Variants in CDK5 observed in about 807,000 individuals in gnomAD.
CDK5 encodes the protein cyclin-dependent kinase 5.
A neutral mutation model predicts 44.6 loss-of-function variants in CDK5; 18 were observed. That is an observed-to-expected ratio of 0.40 (90% CI 0.28 to 0.60). The LOEUF is 0.60. Ranked by LOEUF, CDK5 falls within the 20% of genes least tolerant of loss-of-function variation. CDK5 has a pLI of 0.38. For missense variants in CDK5, 198 were observed against 368.1 expected, an observed-to-expected ratio of 0.54 and a Z score of 3.78; for synonymous variants, 143 against 152.8, an observed-to-expected ratio of 0.94 and a Z score of 0.47.
rs2069450 is a variant in CDK5 at position 151,056,682 on chromosome 7, A to G, written c.256-46T>C. On this transcript the variant is annotated intron_variant, in intron 4 of 11. Coordinates refer to ENST00000485972, the MANE Select transcript of CDK5 (RefSeq NM_004935.4). This position sits in a 1 kb window ranked among gnomAD's most constrained non-coding sequence, Gnocchi z 4.7. ...GGGAATGGGACAGAGTTTAACCTCA[A>G]TCTGGGCCCCTATACCTTCCCAAGG... 0.052 allele frequency: 83,421 copies of G among 1,611,238 alleles called. 2,649 individuals carry two copies. Among genetic ancestry groups the G allele is most frequent in the African/African-American group, 0.14 (10,839 of 74,938 alleles).
chr7:151,056,388 C>A lies in CDK5; in HGVS notation c.312+192G>T. On this transcript the variant is annotated intron_variant, in intron 5 of 11. Transcript: ENST00000485972. The surrounding 1 kb of genome is among the most constrained non-coding windows in gnomAD (Gnocchi z 4.7). ...TCACTGACATCAGAATGACACTGTG[C>A]GGGTCAAAGATGACCACGTGAAAAT... 3 of 610,186 alleles carry A rather than the reference C, an allele frequency of 4.9e-6. No individual in the cohort carries two copies. The highest frequency in any genetic ancestry group is 8.8e-6 in the Non-Finnish European group (3 of 342,484). 37.8% of individuals were successfully genotyped at this position (610,186 alleles called of 1,614,324 possible).
chr7:151,055,930 C>A (rs1796884943), intron 5 of CDK5, 82 bp from the exon 6 acceptor site: 1 of 865,754 alleles, frequency 1.2e-6, no homozygotes, highest in South Asian at 1.5e-5. Flanking sequence ...TCTCCTCACC[C>A]TGTGCTTCGC....
rs899846034 is a variant in CDK5, at chr7:151,057,027, G to A, written c.126+45C>T. On this transcript the variant is annotated intron_variant, in intron 2 of 11. Transcript: ENST00000485972. This position sits in a 1 kb window ranked among gnomAD's most constrained non-coding sequence, Gnocchi z 5.2. Reference sequence around the variant, plus strand: ...AGCAGTCAGATCCCACCCAGCCCAGGCCCTCAAACCCCTCCCCAGGCCGTA... The same window carrying A: ...AGCAGTCAGATCCCACCCAGCCCAGACCCTCAAACCCCTCCCCAGGCCGTA... The A allele has an allele frequency of 6.2e-7, 1 of 1,612,668 alleles. No individual in the cohort carries two copies. Among genetic ancestry groups the A allele is most frequent in the Non-Finnish European group, 8.5e-7 (1 of 1,178,808 alleles).
rs1280118247 is a variant in CDK5, at chr7:151,055,114, G to T, written c.581-18C>A. 1 of 1,606,588 alleles carries T rather than the reference G, an allele frequency of 6.2e-7. No individual in the cohort carries two copies. The highest frequency in any genetic ancestry group is 1.7e-5 in the Admixed American group (1 of 59,438). On this transcript the variant is annotated intron_variant, in intron 8 of 11. Coordinates refer to ENST00000485972, the MANE Select transcript of CDK5 (RefSeq NM_004935.4). ...GGCCAGCTCTGGGGGATAGACAGGG[G>T]GCTAAGATGTGACATGTGAAGGACC...
Position 151,057,089 on chromosome 7 carries a change from G to C in CDK5, c.109C>G (p.Leu37Val). 6 of 1,613,884 alleles carry C rather than the reference G, an allele frequency of 3.7e-6. No individual in the cohort carries two copies. Among genetic ancestry groups the C allele is most frequent in the Non-Finnish European group, 5.1e-6 (6 of 1,179,844 alleles). ...AGTCCTACCTCATCATCGTCATCCA[G>C]CCTCACCCGTTTCAGAGCCACGATC... ...HEIVALKRVR[L>V]DDDDEGVPSS... is the part of the protein sequence containing the mutation. Residue 37 changes from leucine to valine, a missense_variant, in exon 2 of 12, where the codon CTG (leucine) becomes GTG (valine). By Grantham distance (32) the Leu-to-Val change is conservative. Transcript: ENST00000485972. This position sits in a 1 kb window ranked among gnomAD's most constrained non-coding sequence, Gnocchi z 5.2.
Position 151,056,920 on chromosome 7 carries a change from T to C in CDK5, c.182A>G (p.Lys61Arg). 1 of 1,612,276 alleles carries C rather than the reference T, an allele frequency of 6.2e-7. No individual in the cohort carries two copies. Among genetic ancestry groups the C allele is most frequent in the South Asian group, 1.1e-5 (1 of 90,936 alleles). Reference protein sequence around the residue: ...EICLLKELKHKNIVRLHDVLH... With the variant: ...EICLLKELKHRNIVRLHDVLH... The stretch of plus-strand genomic sequence containing the variant: ...GCCTCCCGCACACCTGACGATGTTC[T>C]TGTGCTTCAGCTCCTTGAGTAGGCA... Residue 61 changes from lysine to arginine, a missense_variant, in exon 3 of 12, where the codon AAG becomes AGG. By Grantham distance (26) the Lys-to-Arg change is conservative. Transcript: ENST00000485972. This position sits in a 1 kb window ranked among gnomAD's most constrained non-coding sequence, Gnocchi z 4.7.
At position 151,054,258 on chromosome 7, in the gene CDK5, A is replaced by G; in HGVS notation, c.746T>C (p.Val249Ala). Residue 249 changes from valine to alanine, a missense_variant, in exon 11 of 12, where the codon GTG (valine) becomes GCG (alanine). Physicochemically the swap from Val to Ala is moderately conservative, Grantham distance 64. This residue lies in a region of CDK5 where 81 missense variants were observed against 102.1 expected (regional missense o/e 0.79). Coordinates refer to ENST00000485972, the MANE Select transcript of CDK5 (RefSeq NM_004935.4). The surrounding 1 kb of genome is among the most constrained non-coding windows in gnomAD (Gnocchi z 5.7). ...GGCATTGAGTTTGGGCACGACGTTC[A>G]CCAGGGATGTTGTGGCCGGGTACAT... ...YPMYPATTSL[V>A]NVVPKLNATG... is the part of the protein sequence containing the mutation. 6.2e-7 allele frequency: 1 copy of G among 1,613,748 alleles called. No individual in the cohort carries two copies. The highest frequency in any genetic ancestry group is 8.5e-7 in the Non-Finnish European group (1 of 1,179,766).
chr7:151,055,419 GGGA>G (rs745805861), intron 7 of CDK5, 46 bp from the exon 8 acceptor site: 4 of 1,573,234 alleles, frequency 2.5e-6, no homozygotes, highest in Non-Finnish European at 3.5e-6. Flanking sequence ...TAGAGGACTG[GGGA>G]GGAGGTTTGA....
At position 151,057,776 on chromosome 7, in the gene CDK5, A is replaced by G. The variant is rs1487973441; in HGVS notation, c.37+36T>C. Reference sequence around the variant, plus strand: ...TCAAGGAATGCCGAAGGATCTGCAGAGGAGCTCTTGCAGGAACATCTCGAG... The same window carrying G: ...TCAAGGAATGCCGAAGGATCTGCAGGGGAGCTCTTGCAGGAACATCTCGAG... On this transcript the variant is annotated intron_variant, in intron 1 of 11. Transcript: ENST00000485972. The surrounding 1 kb of genome is among the most constrained non-coding windows in gnomAD (Gnocchi z 5.2). 2.5e-6 allele frequency: 4 copies of G among 1,597,910 alleles called. No individual in the cohort carries two copies. Among genetic ancestry groups the G allele is most frequent in the Non-Finnish European group, 3.4e-6 (4 of 1,169,986 alleles).
At position 151,054,756 on chromosome 7, in the gene CDK5, A is replaced by C. The variant is rs1482609619; in HGVS notation, c.650+271T>G. On this transcript the variant is annotated intron_variant, in intron 9 of 11. Transcript: ENST00000485972. This position sits in a 1 kb window ranked among gnomAD's most constrained non-coding sequence, Gnocchi z 5.7. ...GTGTCCTGTTCTCTTTGGCTCCTTC[A>C]TCCTGGCATCCATCTCTCACCTGGA... Among the ~76,000 whole-genome samples, 1 of 152,090 alleles carries C rather than the reference A, an allele frequency of 6.6e-6. No homozygotes were observed. Among genetic ancestry groups the C allele is most frequent in the Non-Finnish European group, 1.5e-5 (1 of 68,002 alleles).
chr7:151,057,315 C>T lies in CDK5; in HGVS notation c.38-155G>A. ...GTGAGCTTTGTGAGTGAGGATGTGGCAGGTGGGGAGGGAGGAGAAGGTGCC... is the reference window on the plus strand; with the variant it reads ...GTGAGCTTTGTGAGTGAGGATGTGGTAGGTGGGGAGGGAGGAGAAGGTGCC... On this transcript the variant is annotated intron_variant, in intron 1 of 11. Coordinates refer to ENST00000485972, the MANE Select transcript of CDK5 (RefSeq NM_004935.4). This position sits in a 1 kb window ranked among gnomAD's most constrained non-coding sequence, Gnocchi z 5.2. 1 of 704,398 alleles carries T rather than the reference C, an allele frequency of 1.4e-6. No homozygotes were observed. The highest frequency in any genetic ancestry group is 1.6e-5 in the South Asian group (1 of 62,964). 43.6% of individuals were successfully genotyped at this position (704,398 alleles called of 1,614,324 possible).
Position 151,057,723 on chromosome 7 carries a change from C to T in CDK5, c.37+89G>A. 1.5e-5 allele frequency: 21 copies of T among 1,386,066 alleles called. No individual in the cohort carries two copies. The highest frequency in any genetic ancestry group is 2.1e-5 in the Non-Finnish European group (21 of 993,658). 85.9% of individuals were successfully genotyped at this position (1,386,066 alleles called of 1,614,324 possible). A position where few individuals can be genotyped will look rare whatever the true frequency, so the allele number is the denominator to read the frequency against. The stretch of plus-strand genomic sequence containing the variant: ...CGCTGCTGAGATCGGAGCCTGTAGG[C>T]ATTGCTGACGGTAAGGGAGCCAGGG... On this transcript the variant is annotated intron_variant, in intron 1 of 11. Coordinates refer to ENST00000485972, the MANE Select transcript of CDK5 (RefSeq NM_004935.4). The surrounding 1 kb of genome is among the most constrained non-coding windows in gnomAD (Gnocchi z 5.2).
intron 8 of CDK5, 50 bp downstream of exon 8, chr7:151,055,227 G>A (rs746649408): frequency 1.3e-6 from 2 of 1,581,368 alleles, no homozygotes; most frequent in Non-Finnish European, 1.7e-6. Flanking sequence ...GACCCTATTT[G>A]TCAACTCAAA....
Position 151,055,579 on chromosome 7 carries a change from CA to C in CDK5, c.435del (p.Phe145LeufsTer68). On this transcript the variant is annotated frameshift_variant, in exon 7 of 12. Coordinates refer to ENST00000485972, the MANE Select transcript of CDK5 (RefSeq NM_004935.4). LOFTEE classifies it high-confidence loss of function. ...GGAATCCCAAAGGCTCGAGCCAGGC[CA>C]AAATCAGCCAATTTCAGCTCCCCAT... is the stretch of plus-strand genomic sequence containing the variant. ...NRNGELKLAD[F>X]GLARAFGIPV... The C allele has an allele frequency of 6.2e-7, 1 of 1,613,780 alleles. No homozygotes were observed. Among genetic ancestry groups the C allele is most frequent in the Non-Finnish European group, 8.5e-7 (1 of 1,179,866 alleles).
In CDK5 at chr7:151,054,484, A is replaced by G. The variant is rs923760772; in HGVS notation, c.651-19T>C. 2 of 1,606,162 alleles carry G rather than the reference A, an allele frequency of 1.2e-6. No homozygotes were observed. The highest frequency in any genetic ancestry group is 1.3e-5 in the African/African-American group (1 of 74,860). On this transcript the variant is annotated intron_variant, in intron 9 of 11. Coordinates refer to ENST00000485972, the MANE Select transcript of CDK5 (RefSeq NM_004935.4). This position sits in a 1 kb window ranked among gnomAD's most constrained non-coding sequence, Gnocchi z 5.7. Reference sequence around the variant, plus strand: ...CAGCAGTGTGTCCACGGAGTCAAGGATCACTTGGGAAAGGGCCACAGCTGC... The same window carrying G: ...CAGCAGTGTGTCCACGGAGTCAAGGGTCACTTGGGAAAGGGCCACAGCTGC...
chr7:151,056,467 T>A lies in CDK5; in HGVS notation c.312+113A>T, dbSNP rs2150361813. On this transcript the variant is annotated intron_variant, in intron 5 of 11. Transcript: ENST00000485972. The surrounding 1 kb of genome is among the most constrained non-coding windows in gnomAD (Gnocchi z 4.7). ...ACAGAAACAGGGTTTTCTCATTCTC[T>A]AACACCCTAGAGTGTCCCTGTTCAG... 1.1e-6 allele frequency: 1 copy of A among 905,672 alleles called. No homozygotes were observed. The highest frequency in any genetic ancestry group is 1.8e-6 in the Non-Finnish European group (1 of 563,174). 56.1% of individuals were successfully genotyped at this position (905,672 alleles called of 1,614,324 possible). A position where few individuals can be genotyped will look rare whatever the true frequency, so the allele number is the denominator to read the frequency against.
Position 151,054,521 on chromosome 7 carries a change from C to T in CDK5, c.651-56G>A. On this transcript the variant is annotated intron_variant, in intron 9 of 11. Transcript: ENST00000485972. The surrounding 1 kb of genome is among the most constrained non-coding windows in gnomAD (Gnocchi z 5.7). Reference sequence around the variant, plus strand: ...AGGGCCACAGCTGCATCTTCAGGGGCAGGGTGAGGGCCTCTTCCCCTCCTG... The same window carrying T: ...AGGGCCACAGCTGCATCTTCAGGGGTAGGGTGAGGGCCTCTTCCCCTCCTG... 6.6e-7 allele frequency: 1 copy of T among 1,517,838 alleles called. No homozygotes were observed. Among genetic ancestry groups the T allele is most frequent in the Non-Finnish European group, 9.0e-7 (1 of 1,105,974 alleles). 94.0% of individuals were successfully genotyped at this position (1,517,838 alleles called of 1,614,324 possible).
Position 151,057,895 on chromosome 7 carries a change from G to C in CDK5, c.-47C>G, listed in dbSNP as rs765603464. ...TGCGGGCCCTCGGTTTTAAGACTCT[G>C]GCCCCGGCGTTGCAGAGGAGGCGGC... On this transcript the variant is annotated 5_prime_UTR_variant, in exon 1 of 12. Transcript: ENST00000485972. The surrounding 1 kb of genome is among the most constrained non-coding windows in gnomAD (Gnocchi z 5.2). The C allele has an allele frequency of 2.5e-6, 4 of 1,571,972 alleles. No homozygotes were observed. Among genetic ancestry groups the C allele is most frequent in the Non-Finnish European group, 3.5e-6 (4 of 1,158,754 alleles).
chr7:151,057,645 G>A lies in CDK5; in HGVS notation c.37+167C>T. On this transcript the variant is annotated intron_variant, in intron 1 of 11. Transcript: ENST00000485972. The surrounding 1 kb of genome is among the most constrained non-coding windows in gnomAD (Gnocchi z 5.2). Reference sequence around the variant, plus strand: ...AGAGCCCTGCGGGAAATGCTAACACGGGGAAGACTGGTGTCTGCACGGAGT... The same window carrying A: ...AGAGCCCTGCGGGAAATGCTAACACAGGGAAGACTGGTGTCTGCACGGAGT... 1 of 756,896 alleles carries A rather than the reference G, an allele frequency of 1.3e-6. No homozygotes were observed. Among genetic ancestry groups the A allele is most frequent in the Non-Finnish European group, 2.3e-6 (1 of 437,642 alleles). 46.9% of individuals were successfully genotyped at this position (756,896 alleles called of 1,614,324 possible).
Sources: allele counts gnomAD v4.1 joint callset (sites outside exome capture counted in the v4.1 genomes callset), GRCh38; gene constraint gnomAD v4.1.1; regional missense constraint gnomAD v4.1.1; non-coding constraint Gnocchi (gnomAD v3.1); transcripts MANE v1.5; gene names NCBI Gene and HGNC (gene_info 2026-07-23, HGNC 2026-07-21).